PTPN12: variants seen among roughly 807,000 people sequenced by gnomAD.
The protein encoded by PTPN12 is tyrosine-protein phosphatase non-receptor type 12.
In PTPN12, 29 loss-of-function variants were observed where a neutral mutation model predicts 97.6. That is an observed-to-expected ratio of 0.30 (90% confidence interval 0.22 to 0.41). The LOEUF is 0.41. Among genes scored for constraint, PTPN12 ranks in the 10% least tolerant of loss-of-function variants. The pLI, the probability that PTPN12 is intolerant of heterozygous loss-of-function variation, is 1.00. For missense variants in PTPN12, 819 were observed against 926.0 expected (o/e 0.88, Z 1.50); for synonymous variants, 327 against 300.4 (o/e 1.09, Z -0.91).
intron 1 of PTPN12, among the ~76,000 whole-genome samples, chr7:77,540,362 T>C (rs973662711): frequency 9.9e-5 from 15 of 151,642 alleles, no homozygotes; most frequent in Non-Finnish European, 1.8e-4. Context: ...CTCAGCCTCC[T>C]GAGTAGCTGA....
intron 1 of PTPN12, 126 bp from the exon 2 acceptor site, chr7:77,570,952 A>T: frequency 3.6e-6 from 2 of 555,478 alleles, no homozygotes; most frequent in Non-Finnish European, 6.3e-6. Context: ...TTATTAAGGG[A>T]TGGGGAAATT....
At chr7:77,613,382 C>T (rs1316037797) in intron 11 of PTPN12, among the ~76,000 whole-genome samples, 1 of 151,356 alleles carries the variant, frequency 6.6e-6, no homozygotes, top group Non-Finnish European at 1.5e-5. Context: ...ACCATGTTGG[C>T]CAGGCTGGTC....
intron 9 of PTPN12, among the ~76,000 whole-genome samples, chr7:77,608,867 A>G (rs11761707): frequency 0.27 from 41,508 of 152,174 alleles, 5,783 homozygotes; most frequent in African/African-American, 0.29. Flanking sequence ...TAAAATTGGA[A>G]TGAGAAGGGA....
chr7:77,594,084 AACTC>A (rs1378047491), intron 6 of PTPN12, among the ~76,000 whole-genome samples: 1 of 152,206 alleles, frequency 6.6e-6, no homozygotes, highest in East Asian at 1.9e-4. Flanking sequence ...TGTTAACTAT[AACTC>A]ACCATTGAAC....
At chr7:77,551,308 G>T (rs62477773) in intron 1 of PTPN12, among the ~76,000 whole-genome samples, 2 of 152,058 alleles carry the variant, frequency 1.3e-5, no homozygotes, top group South Asian at 2.1e-4. Flanking sequence ...TAATCCACCC[G>T]CCTTGGCCTC....
chr7:77,607,701 G>A (rs572490134), intron 9 of PTPN12, among the ~76,000 whole-genome samples: 1 of 152,194 alleles, frequency 6.6e-6, no homozygotes, highest in South Asian at 2.1e-4. Flanking sequence ...ACTTGCATTA[G>A]GATATAAACT....
intron 3 of PTPN12, 61 bp from the exon 4 acceptor site, chr7:77,583,494 G>C (rs769543464): frequency 1.8e-4 from 186 of 1,012,108 alleles, no homozygotes; most frequent in Non-Finnish European, 2.8e-4. Flanking sequence ...CTTATATTTT[G>C]GGTAATGAAA....
intron 12 of PTPN12, among the ~76,000 whole-genome samples, chr7:77,619,508 CA>C: frequency 6.6e-6 from 1 of 152,232 alleles, no homozygotes; most frequent in East Asian, 1.9e-4. Context: ...TCATTTTGAC[CA>C]TGCAAGATTC....
In PTPN12 at chr7:77,618,109, T is replaced by C. The variant is rs575073098; in HGVS notation, c.940-371T>C. On this transcript the variant is annotated intron_variant, in intron 11 of 17. Coordinates refer to ENST00000248594, the MANE Select transcript of PTPN12 (RefSeq NM_002835.4). ...AATGGTATAAGCCTTATTTGTTGGC[T>C]TTTTTTTTGTCTCTGCATATATTAA... Among the ~76,000 whole-genome samples the C allele has an allele frequency of 8.6e-4, 130 of 151,432 alleles. 1 individual carries two copies. The highest frequency in any genetic ancestry group is 3.0e-3 in the African/African-American group (126 of 41,314).
intron 14 of PTPN12, among the ~76,000 whole-genome samples, chr7:77,633,464 C>A (rs1789476006): frequency 6.6e-6 from 1 of 151,868 alleles, no homozygotes; most frequent in Non-Finnish European, 1.5e-5. Context: ...AAAAAATTAG[C>A]TGTGTGTGGT....
intron 7 of PTPN12, among the ~76,000 whole-genome samples, chr7:77,598,743 T>C (rs1788098333): frequency 6.6e-6 from 1 of 151,804 alleles, no homozygotes; most frequent in Non-Finnish European, 1.5e-5. Flanking sequence ...TACTACTACC[T>C]AAATGTTTTA....
At chr7:77,562,348 C>T (rs921394997) in intron 1 of PTPN12, among the ~76,000 whole-genome samples, 3 of 152,100 alleles carry the variant, frequency 2.0e-5, no homozygotes, top group African/African-American at 4.8e-5. Context: ...CCACTGCTTC[C>T]GGCCTGCTGT....
At chr7:77,561,602 A>G (rs182076485) in intron 1 of PTPN12, among the ~76,000 whole-genome samples, 56 of 152,216 alleles carry the variant, frequency 3.7e-4, no homozygotes, top group African/African-American at 1.3e-3. Flanking sequence ...TTCCTGTGCT[A>G]TATTTGTTTT....
rs1010580571 is a variant in PTPN12, at chr7:77,636,959, T to C, written c.2143-59T>C. On this transcript the variant is annotated intron_variant, in intron 15 of 17. Coordinates refer to ENST00000248594, the MANE Select transcript of PTPN12 (RefSeq NM_002835.4). ...TATATACCCATAACAGACCCAGCTTTCTATTATTTGTATATAAAATGAATG... is the reference window on the plus strand; with the variant it reads ...TATATACCCATAACAGACCCAGCTTCCTATTATTTGTATATAAAATGAATG... 2.9e-6 allele frequency: 4 copies of C among 1,367,958 alleles called. No homozygotes were observed. In the African/African-American group the frequency reaches 5.8e-5, roughly 20 times the overall value. The allele number at this position is 1,367,958 out of a possible 1,614,324, so 84.7% of individuals were successfully genotyped here. A position where few individuals can be genotyped will look rare whatever the true frequency, so the allele number is the denominator to read the frequency against.
chr7:77,584,148 A>G (rs1787610320), intron 4 of PTPN12, among the ~76,000 whole-genome samples: 1 of 151,656 alleles, frequency 6.6e-6, no homozygotes, highest in Non-Finnish European at 1.5e-5. Context: ...AGAAATTAGA[A>G]TACTGCGAAG....
intron 12 of PTPN12, among the ~76,000 whole-genome samples, chr7:77,625,472 G>GCTCGCTCGCGCGCTCTCTCT: frequency 6.0e-5 from 2 of 33,522 alleles, no homozygotes; most frequent in Non-Finnish European, 1.0e-4. Flanking sequence ...CAGGCTGCTC[G>GCTCGCTCGCGCGCTCTCTCT]CTCTCTCTCT....
intron 1 of PTPN12, among the ~76,000 whole-genome samples, chr7:77,569,396 A>T (rs13236741): frequency 0.048 from 7,253 of 152,206 alleles, 263 homozygotes; most frequent in Middle Eastern, 0.075. Flanking sequence ...CAGCTCTCTC[A>T]TATTTGATGG....
intron 9 of PTPN12, among the ~76,000 whole-genome samples, chr7:77,609,273 C>CTCTCT (rs557560724): frequency 3.2e-5 from 4 of 126,910 alleles, no homozygotes; most frequent in South Asian, 2.5e-4. Flanking sequence ...CTCTCTCTCT[C>CTCTCT]TTTTTTTTTT....
In PTPN12 at chr7:77,639,440, T is replaced by G. The variant is rs908869115; in HGVS notation, c.*160T>G. ...ACCATCTACCTGCCTTATACTACAC[T>G]TAGGAAAAAGTATTACATATGGTTT... On this transcript the variant is annotated 3_prime_UTR_variant, in exon 18 of 18. Transcript: ENST00000248594. 2.5e-5 allele frequency: 14 copies of G among 559,306 alleles called. No individual in the cohort carries two copies. In the African/African-American group the frequency reaches 2.6e-4, roughly 11 times the overall value. 34.6% of individuals were successfully genotyped at this position (559,306 alleles called of 1,614,324 possible).
Sources: allele counts gnomAD v4.1 joint callset (sites outside exome capture counted in the v4.1 genomes callset), GRCh38; gene constraint gnomAD v4.1.1; transcripts MANE v1.5; gene names NCBI Gene and HGNC (gene_info 2026-07-23, HGNC 2026-07-21).